ZFAND3: variants seen among roughly 807,000 people sequenced by gnomAD.
ZFAND3 encodes the protein AN1-type zinc finger protein 3.
Under a neutral mutation model 29.6 loss-of-function variants are expected in ZFAND3, and 10 were observed. That is an observed-to-expected ratio of 0.34 (90% CI 0.21 to 0.57). ZFAND3 has a LOEUF of 0.57. Among genes scored for constraint, ZFAND3 ranks in the 20% least tolerant of loss-of-function variants. The pLI is 0.86. For synonymous variants in ZFAND3, 128 were observed against 112.6 expected, an observed-to-expected ratio of 1.14 and a Z score of -0.87; for missense variants, 230 against 304.5, an observed-to-expected ratio of 0.76 and a Z score of 1.82.
chr6:38,113,611 C>T (rs1437057646), intron 4 of ZFAND3, among the ~76,000 whole-genome samples: 1 of 152,062 alleles, frequency 6.6e-6, no homozygotes, highest in Non-Finnish European at 1.5e-5. Flanking sequence ...GTTGGGGGGT[C>T]CCATCAAAGT....
intron 2 of ZFAND3, among the ~76,000 whole-genome samples, chr6:37,974,683 A>C (rs776367336): frequency 1.3e-5 from 2 of 152,292 alleles, no homozygotes; most frequent in African/African-American, 2.4e-5. Flanking sequence ...GGTGTGAGCC[A>C]CCATGACCAA....
intron 2 of ZFAND3, among the ~76,000 whole-genome samples, chr6:37,933,787 CT>C (rs936567341): frequency 1.3e-5 from 2 of 150,892 alleles, no homozygotes. Flanking sequence ...GTTTTTTAAA[CT>C]TTTTGACAAC....
chr6:38,039,674 A>G (rs935838533), intron 2 of ZFAND3, among the ~76,000 whole-genome samples: 5 of 152,332 alleles, frequency 3.3e-5, no homozygotes, highest in Non-Finnish European at 7.4e-5. Context: ...TAGTGCATGG[A>G]AAAGTATAAG....
intron 2 of ZFAND3, among the ~76,000 whole-genome samples, chr6:37,967,593 A>G (rs547821404): frequency 4.6e-5 from 7 of 152,262 alleles, no homozygotes; most frequent in African/African-American, 1.7e-4. Flanking sequence ...GTTTATTTCT[A>G]TGTTTAAATA....
rs141541119 is a variant in ZFAND3 at position 37,946,874 on chromosome 6, A to G, written c.112+16875A>G. ...TAGAATGGTGGTTTCCAGGGGCTAG[A>G]GGGTGGGGGAACTGGAGAGTTGTTT... On this transcript the variant is annotated intron_variant, in intron 2 of 5. Coordinates refer to ENST00000287218, the MANE Select transcript of ZFAND3 (RefSeq NM_021943.3). Among the ~76,000 whole-genome samples, 64 of 152,230 alleles carry G rather than the reference A, an allele frequency of 4.2e-4. 1 individual carries two copies. The East Asian group carries it at 9.1e-3, about 22-fold the overall frequency.
At chr6:38,057,787 G>T (rs1387690720) in intron 2 of ZFAND3, among the ~76,000 whole-genome samples, 1 of 152,200 alleles carries the variant, frequency 6.6e-6, no homozygotes, top group Non-Finnish European at 1.5e-5. Context: ...TAAAATGAGA[G>T]GATTGAGCTG....
chr6:38,110,068 G>C (rs1243284581), intron 4 of ZFAND3, among the ~76,000 whole-genome samples: 1 of 152,134 alleles, frequency 6.6e-6, no homozygotes, highest in East Asian at 1.9e-4. Flanking sequence ...GTGAACAACT[G>C]ACTTTTTAAA....
At position 38,023,375 on chromosome 6, in the gene ZFAND3, A is replaced by G. The variant is rs181344245; in HGVS notation, c.113-38218A>G. Among the ~76,000 whole-genome samples, 37 of 152,336 alleles carry G rather than the reference A, an allele frequency of 2.4e-4. 1 individual carries two copies. The highest frequency in any genetic ancestry group is 1.6e-3 in the Admixed American group (24 of 15,298). ...TTTAATAACATTTTAAGACATTTCA[A>G]TAACAACATGGAAGTTTTATATTTT... On this transcript the variant is annotated intron_variant, in intron 2 of 5. Transcript: ENST00000287218.
intron 2 of ZFAND3, among the ~76,000 whole-genome samples, chr6:38,030,071 T>C (rs1260402199): frequency 2.0e-5 from 1 of 49,274 alleles, no homozygotes; most frequent in Non-Finnish European, 5.9e-5. Context: ...TATATATATA[T>C]ATATATATAT....
intron 1 of ZFAND3, among the ~76,000 whole-genome samples, chr6:37,913,801 C>T (rs1470078725): frequency 1.3e-5 from 2 of 150,338 alleles, no homozygotes; most frequent in African/African-American, 2.5e-5. Flanking sequence ...ACCTCCGCCT[C>T]CCGGGTTTAA....
intron 1 of ZFAND3, among the ~76,000 whole-genome samples, chr6:37,868,294 T>C (rs541298005): frequency 6.6e-6 from 1 of 152,184 alleles, no homozygotes; most frequent in Non-Finnish European, 1.5e-5. Context: ...TCTGTTGTGA[T>C]TGAGGGTTAC....
At chr6:38,111,049 A>T (rs968198728) in intron 4 of ZFAND3, among the ~76,000 whole-genome samples, 1 of 152,258 alleles carries the variant, frequency 6.6e-6, no homozygotes, top group African/African-American at 2.4e-5. Context: ...TTTCTGCCAG[A>T]GACAAAACAG....
intron 2 of ZFAND3, among the ~76,000 whole-genome samples, chr6:37,975,802 C>A (rs189559821): frequency 2.0e-5 from 3 of 152,108 alleles, no homozygotes; most frequent in Admixed American, 6.5e-5. Flanking sequence ...TATAATAATT[C>A]TTGAAATCAG....
At chr6:38,080,795 G>C (rs1271693228) in intron 3 of ZFAND3, among the ~76,000 whole-genome samples, 1 of 152,154 alleles carries the variant, frequency 6.6e-6, no homozygotes, top group African/African-American at 2.4e-5. Context: ...AGGATGTTGA[G>C]GCTGTGTTAG....
At chr6:37,934,698 G>C (rs1162412984) in intron 2 of ZFAND3, among the ~76,000 whole-genome samples, 2 of 151,776 alleles carry the variant, frequency 1.3e-5, no homozygotes, top group African/African-American at 4.8e-5. Context: ...AATTAGCTGA[G>C]TGTAGTGGTG....
chr6:37,940,842 A>G (rs1201334301), intron 2 of ZFAND3, among the ~76,000 whole-genome samples: 1 of 152,272 alleles, frequency 6.6e-6, no homozygotes, highest in Non-Finnish European at 1.5e-5. Context: ...AAGAAAAATG[A>G]CACATAATCT....
At chr6:38,031,199 G>C (rs1763552901) in intron 2 of ZFAND3, among the ~76,000 whole-genome samples, 1 of 152,008 alleles carries the variant, frequency 6.6e-6, no homozygotes, top group Admixed American at 6.6e-5. Context: ...CTGTTTGTTT[G>C]CCTCTGTATT....
At chr6:37,858,599 T>C (rs1409089396) in intron 1 of ZFAND3, among the ~76,000 whole-genome samples, 1 of 152,158 alleles carries the variant, frequency 6.6e-6, no homozygotes, top group Non-Finnish European at 1.5e-5. Flanking sequence ...CCTATATGAC[T>C]GAAAAATGGA....
chr6:37,829,822 A>G (rs569628347), intron 1 of ZFAND3, among the ~76,000 whole-genome samples: 13 of 152,292 alleles, frequency 8.5e-5, no homozygotes, highest in African/African-American at 3.1e-4. Flanking sequence ...AGCAGGATCT[A>G]TTAAGGAACA....
Sources: gnomAD v4.1 joint callset for allele counts (sites outside exome capture counted in the v4.1 genomes callset) on GRCh38, gnomAD v4.1.1 for gene constraint, MANE v1.5 for transcripts, NCBI Gene and HGNC (gene_info 2026-07-23, HGNC 2026-07-21) for gene names.